The following CSMD2 variants were observed in gnomAD, a reference collection of about 807,000 sequenced individuals.
The protein encoded by CSMD2 is CUB and Sushi multiple domains 2.
In CSMD2, 130 loss-of-function variants were observed where a neutral mutation model predicts 398.5. That is an observed-to-expected ratio of 0.33 (90% CI 0.28 to 0.38). The LOEUF (loss-of-function observed/expected upper bound fraction) is 0.38, where lower values mean the gene tolerates loss of function less well. CSMD2 is among the 10% of genes least tolerant of loss of function. The pLI is 1.00. For synonymous variants in CSMD2, 1,828 were observed against 1,908.5 expected, an observed-to-expected ratio of 0.96 and a Z score of 1.10; for missense variants, 3,829 against 4,764.9, an observed-to-expected ratio of 0.80 and a Z score of 5.78.
At chr1:33,792,614 T>C in intron 10 of CSMD2, 88 bp from the exon 11 acceptor site, 2 of 840,418 alleles carry the variant, frequency 2.4e-6, no homozygotes, top group East Asian at 2.5e-5. Flanking sequence ...TTCTGTGTTA[T>C]GTCCCAATGC....
At chr1:33,899,781 C>T (rs962938268) in intron 5 of CSMD2, among the ~76,000 whole-genome samples, 3 of 152,200 alleles carry the variant, frequency 2.0e-5, no homozygotes, top group Non-Finnish European at 2.9e-5. Context: ...AGCTAAGTGA[C>T]TTGCTGTGAG....
chr1:34,037,629 G>C (rs1388495144), intron 2 of CSMD2, among the ~76,000 whole-genome samples: 2 of 152,186 alleles, frequency 1.3e-5, no homozygotes, highest in Non-Finnish European at 2.9e-5. Flanking sequence ...ATGTCTACCA[G>C]AATTATGCCC....
intron 25 of CSMD2, among the ~76,000 whole-genome samples, chr1:33,690,365 C>A (rs373092689): frequency 6.6e-6 from 1 of 152,142 alleles, no homozygotes. Context: ...GCTCTAGGGT[C>A]ACCTTTTCCA....
intron 64 of CSMD2, among the ~76,000 whole-genome samples, chr1:33,529,398 A>G (rs991960090): frequency 1.3e-5 from 2 of 152,176 alleles, no homozygotes; most frequent in African/African-American, 4.8e-5. Flanking sequence ...CTACAAAGCT[A>G]AAGTAATCAG....
chr1:34,017,688 A>T (rs1648315738), intron 3 of CSMD2, among the ~76,000 whole-genome samples: 1 of 152,184 alleles, frequency 6.6e-6, no homozygotes, highest in Non-Finnish European at 1.5e-5. Flanking sequence ...GGTCAAGGCT[A>T]CAGTGAGCCA....
chr1:33,963,339 G>A (rs188142448), intron 3 of CSMD2, among the ~76,000 whole-genome samples: 2 of 152,330 alleles, frequency 1.3e-5, no homozygotes, highest in East Asian at 3.9e-4. Context: ...ATTTGGTCTT[G>A]GATGAGGTCT....
At position 33,527,213 on chromosome 1, in the gene CSMD2, G is replaced by A. The variant is rs1305136343; in HGVS notation, c.10217C>T (p.Pro3406Leu). 1.9e-5 allele frequency: 31 copies of A among 1,613,932 alleles called. No individual in the cohort carries two copies. Among genetic ancestry groups the A allele is most frequent in the African/African-American group, 2.7e-5 (2 of 74,906 alleles). Residue 3406 changes from proline (P) to leucine (L), a missense_variant, in exon 65 of 71, where the codon CCG (proline) becomes CTG (leucine). Physicochemically the swap from Pro to Leu is moderately conservative, Grantham distance 98. This residue lies in a region of CSMD2 where 917 missense variants were observed against 1,199.5 expected (regional missense o/e 0.76). Coordinates refer to ENST00000373381, the MANE Select transcript of CSMD2 (RefSeq NM_001281956.2). Reference protein sequence around the residue: ...GRPINTAREPPLTQALIPGDV... With the variant: ...GRPINTAREPLLTQALIPGDV... ...ATACGTACTCAAGGCTTGGGTGAGCGGTGGCTCCCGGGCAGTGTTGATGGG... is the reference window on the plus strand; with the variant it reads ...ATACGTACTCAAGGCTTGGGTGAGCAGTGGCTCCCGGGCAGTGTTGATGGG...
intron 32 of CSMD2, among the ~76,000 whole-genome samples, chr1:33,629,501 A>G (rs1474251350): frequency 6.6e-6 from 1 of 152,230 alleles, no homozygotes; most frequent in Non-Finnish European, 1.5e-5. Context: ...ATATACAAGA[A>G]GACAACAAAA....
chr1:33,605,999 G>T, intron 41 of CSMD2: 1 of 1,608,722 alleles, frequency 6.2e-7, no homozygotes, highest in Non-Finnish European at 8.5e-7. Context: ...CTGTGGCAAG[G>T]AGAGAAGCTT....
In CSMD2 at chr1:33,918,139, C is replaced by T; in HGVS notation, c.875G>A (p.Gly292Asp). 1.9e-6 allele frequency: 3 copies of T among 1,614,132 alleles called. No homozygotes were observed. The highest frequency in any genetic ancestry group is 2.5e-6 in the Non-Finnish European group (3 of 1,180,038). Reference sequence around the variant, plus strand: ...CCCAGTGACTTCCAGAAAGTCGTAACCATCCTCCAGCTGGAAGTCAATAAA... The same window carrying T: ...CCCAGTGACTTCCAGAAAGTCGTAATCATCCTCCAGCTGGAAGTCAATAAA... ...LVFIDFQLED[G>D]YDFLEVTGTE... Residue 292 changes from glycine (G) to aspartate (D), a missense_variant, in exon 5 of 71, where the codon GGT becomes GAT. Around this residue, in one of 5 missense-constraint regions of CSMD2, gnomAD observed 2,001 missense variants for 2,567.1 expected, o/e 0.78. Transcript: ENST00000373381.
chr1:33,552,626 T>C (rs1290768832), intron 55 of CSMD2, among the ~76,000 whole-genome samples: 1 of 152,240 alleles, frequency 6.6e-6, no homozygotes, highest in Non-Finnish European at 1.5e-5. Context: ...AGTATTGATA[T>C]ATGCTAAAAC....
At chr1:34,144,804 C>G (rs1571257285) in intron 1 of CSMD2, among the ~76,000 whole-genome samples, 1 of 152,288 alleles carries the variant, frequency 6.6e-6, no homozygotes, top group African/African-American at 2.4e-5. Context: ...TTCCCAGACC[C>G]CTGTGGCTCT....
At chr1:33,623,650 C>T (rs1194424984) in intron 35 of CSMD2, among the ~76,000 whole-genome samples, 184 bp from the exon 36 acceptor site, 1 of 152,158 alleles carries the variant, frequency 6.6e-6, no homozygotes, top group Admixed American at 6.5e-5. Flanking sequence ...GCTCGTTGTC[C>T]AGTGGGGAAG....
chr1:33,898,427 A>G (rs1349444485), intron 5 of CSMD2, among the ~76,000 whole-genome samples: 1 of 152,192 alleles, frequency 6.6e-6, no homozygotes, highest in Admixed American at 6.5e-5. Context: ...CTTTAGAAAA[A>G]TAGGAGCAGC....
intron 11 of CSMD2, 141 bp downstream of exon 11, chr1:33,792,282 A>G (rs1338231984): frequency 1.5e-6 from 1 of 669,374 alleles, no homozygotes; most frequent in East Asian, 2.6e-5. Context: ...AGGTAGAAGG[A>G]TTATTGCTGA....
At chr1:33,844,687 T>C (rs181201907) in intron 6 of CSMD2, among the ~76,000 whole-genome samples, 11 of 152,344 alleles carry the variant, frequency 7.2e-5, no homozygotes, top group Admixed American at 7.2e-4. Context: ...TTACCCTCTC[T>C]ATGACTCTCG....
intron 2 of CSMD2, among the ~76,000 whole-genome samples, chr1:34,076,510 G>T (rs1188766723): frequency 2.0e-5 from 3 of 152,148 alleles, no homozygotes; most frequent in East Asian, 3.9e-4. Context: ...CTCTCCACTT[G>T]CAGTTGGGAC....
rs757931518 is a variant in CSMD2, at chr1:33,611,164, T to C, written c.6220A>G (p.Met2074Val). 11 of 1,613,976 alleles carry C rather than the reference T, an allele frequency of 6.8e-6. No homozygotes were observed. The highest frequency in any genetic ancestry group is 8.5e-7 in the Non-Finnish European group (1 of 1,180,018). ...IRNGPYETSR[M>V]MGRFSGSELP... ...TCGCTTCCACTGAATCTTCCCATCATGCGGCTGGTCTCATAGGGGCCATTC... is the reference window on the plus strand; with the variant it reads ...TCGCTTCCACTGAATCTTCCCATCACGCGGCTGGTCTCATAGGGGCCATTC... Residue 2074 changes from methionine (M) to valine (V), a missense_variant, in exon 41 of 71, where the codon ATG (methionine) becomes GTG (valine). By Grantham distance (21) the Met-to-Val change is conservative (BLOSUM62 1). Coordinates refer to ENST00000373381, the MANE Select transcript of CSMD2 (RefSeq NM_001281956.2).
At chr1:33,630,960 GAAA>G (rs1444339187) in intron 32 of CSMD2, among the ~76,000 whole-genome samples, 1 of 151,640 alleles carries the variant, frequency 6.6e-6, no homozygotes, top group East Asian at 1.9e-4. Context: ...ATTACACAGA[GAAA>G]ATAATGAACA....
Sources: gnomAD v4.1 joint callset for allele counts (sites outside exome capture counted in the v4.1 genomes callset) on GRCh38, gnomAD v4.1.1 for gene constraint, gnomAD v4.1.1 regional missense constraint, MANE v1.5 for transcripts, NCBI Gene and HGNC (gene_info 2026-07-23, HGNC 2026-07-21) for gene names.